ARHGEF3: variants seen among roughly 807,000 people sequenced by gnomAD.
The protein encoded by ARHGEF3 is 59.8 kDA protein.
In ARHGEF3, 28 loss-of-function variants were observed where a neutral mutation model predicts 63.2. That is an observed-to-expected ratio of 0.44 (90% CI 0.33 to 0.61). The LOEUF (loss-of-function observed/expected upper bound fraction) is 0.61. Ranked by LOEUF, ARHGEF3 falls within the 20% of genes least tolerant of loss-of-function variation. The pLI is 0.03. For synonymous variants in ARHGEF3, 266 were observed against 254.2 expected, an observed-to-expected ratio of 1.05 and a Z score of -0.44; for missense variants, 533 against 659.3, an observed-to-expected ratio of 0.81 and a Z score of 2.10.
At chr3:56,988,428 T>C (rs1438763229) in intron 2 of ARHGEF3, among the ~76,000 whole-genome samples, 5 of 152,190 alleles carry the variant, frequency 3.3e-5, no homozygotes, top group African/African-American at 1.2e-4. Context: ...ATTACAGGCA[T>C]GAGCCACCCC....
At chr3:57,006,725 T>C (rs1186076053) in intron 2 of ARHGEF3, among the ~76,000 whole-genome samples, 1 of 152,194 alleles carries the variant, frequency 6.6e-6, no homozygotes, top group African/African-American at 2.4e-5. Context: ...TCGTTCAATG[T>C]GCTGCCTGCT....
At chr3:57,006,512 G>A (rs1241446346) in intron 2 of ARHGEF3, among the ~76,000 whole-genome samples, 1 of 152,172 alleles carries the variant, frequency 6.6e-6, no homozygotes, top group African/African-American at 2.4e-5. Context: ...GCTCCCCAGA[G>A]CCCACATGCT....
intron 2 of ARHGEF3, among the ~76,000 whole-genome samples, chr3:56,760,588 C>T (rs2035361603): frequency 6.6e-6 from 1 of 152,166 alleles, no homozygotes; most frequent in South Asian, 2.1e-4. Context: ...CTCTGATTCT[C>T]ACAACCACCC....
At chr3:56,956,486 A>C (rs1700048737) in intron 3 of ARHGEF3, among the ~76,000 whole-genome samples, 1 of 152,226 alleles carries the variant, frequency 6.6e-6, no homozygotes, top group African/African-American at 2.4e-5. Context: ...TGTATCTAAC[A>C]GGTTCCTTTG....
intron 1 of ARHGEF3, chr3:57,073,551 T>A: frequency 7.4e-7 from 1 of 1,352,534 alleles, no homozygotes; most frequent in South Asian, 1.6e-5. Context: ...CCCGGGATGA[T>A]TGGTGGTGGG....
At chr3:56,899,100 G>A (rs2041418997) in intron 3 of ARHGEF3, among the ~76,000 whole-genome samples, 2 of 152,120 alleles carry the variant, frequency 1.3e-5, no homozygotes. Flanking sequence ...ATTCTCCACT[G>A]AGGGGTGAGG....
chr3:56,771,428 G>A (rs2035998187), intron 2 of ARHGEF3, among the ~76,000 whole-genome samples: 1 of 152,236 alleles, frequency 6.6e-6, no homozygotes, highest in Non-Finnish European at 1.5e-5. Context: ...CTGGGCTGTA[G>A]TGGGAGGCAC....
chr3:56,762,477 C>T lies in ARHGEF3; in HGVS notation c.205-7326G>A, dbSNP rs911185069. On this transcript the variant is annotated intron_variant, in intron 2 of 9. Transcript: ENST00000296315. ...ATGCTGCAGATGCAAAACAGACTGTCTGCCGGGGGTTGGGGGACGGGGGTG... is the reference window on the plus strand; with the variant it reads ...ATGCTGCAGATGCAAAACAGACTGTTTGCCGGGGGTTGGGGGACGGGGGTG... 2.4e-4 allele frequency among the ~76,000 whole-genome samples: 37 copies of T among 152,030 alleles called. 1 individual carries two copies. Among genetic ancestry groups the T allele is most frequent in the Non-Finnish European group, 8.8e-5 (6 of 68,012 alleles).
intron 2 of ARHGEF3, among the ~76,000 whole-genome samples, chr3:57,010,258 TC>T (rs1435158679): frequency 1.3e-5 from 2 of 151,856 alleles, no homozygotes; most frequent in Admixed American, 1.3e-4. Context: ...ATAGAGACCA[TC>T]CTGGCTAACA....
At position 56,944,389 on chromosome 3, in the gene ARHGEF3, T is replaced by C. The variant is rs553700644; in HGVS notation, c.129+14434A>G. Among the ~76,000 whole-genome samples, 21 of 152,084 alleles carry C rather than the reference T, an allele frequency of 1.4e-4. No individual in the cohort carries two copies. In the South Asian group the frequency reaches 3.5e-3, roughly 26 times the overall value. On this transcript the variant is annotated intron_variant, in intron 3 of 12. Coordinates refer to the ARHGEF3 transcript ENST00000338458. Reference sequence around the variant, plus strand: ...TGGAAGAAGCTGATTCCAACCCTCATGGATGACATTGAGGGGTTTAAGACT... The same window carrying C: ...TGGAAGAAGCTGATTCCAACCCTCACGGATGACATTGAGGGGTTTAAGACT...
chr3:57,067,618 T>C (rs954044118), intron 1 of ARHGEF3, among the ~76,000 whole-genome samples: 1 of 150,914 alleles, frequency 6.6e-6, no homozygotes, highest in Admixed American at 6.6e-5. Flanking sequence ...GAAAATCACA[T>C]GAGGCCAGGA....
intron 4 of ARHGEF3, among the ~76,000 whole-genome samples, chr3:56,866,078 T>C (rs929196283): frequency 2.0e-5 from 3 of 152,240 alleles, no homozygotes; most frequent in East Asian, 3.9e-4. Context: ...GGCAGGAGGA[T>C]TGCTTGAGCC....
At chr3:56,912,395 A>G (rs977120900) in intron 3 of ARHGEF3, among the ~76,000 whole-genome samples, 4 of 152,234 alleles carry the variant, frequency 2.6e-5, no homozygotes, top group African/African-American at 9.6e-5. Flanking sequence ...ACATAATAGG[A>G]GATCTGGGAA....
At chr3:57,000,078 G>C (rs9836188) in intron 2 of ARHGEF3, among the ~76,000 whole-genome samples, 30,635 of 152,030 alleles carry the variant, frequency 0.2, 3,291 homozygotes, top group African/African-American at 0.24. Context: ...CTGTATCCTA[G>C]GCTGATTGTG....
At chr3:56,902,054 A>G (rs1339503141) in intron 3 of ARHGEF3, among the ~76,000 whole-genome samples, 3 of 152,210 alleles carry the variant, frequency 2.0e-5, no homozygotes, top group African/African-American at 7.2e-5. Flanking sequence ...TGAAATCGCC[A>G]ACAAAAAATA....
At chr3:56,731,067 T>C (rs2033119855) in intron 9 of ARHGEF3, among the ~76,000 whole-genome samples, 1 of 152,232 alleles carries the variant, frequency 6.6e-6, no homozygotes, top group Non-Finnish European at 1.5e-5. Context: ...GCCTGGCACA[T>C]AGTCAGTACT....
At chr3:57,048,419 T>C (rs566132844) in intron 1 of ARHGEF3, among the ~76,000 whole-genome samples, 4 of 152,236 alleles carry the variant, frequency 2.6e-5, no homozygotes, top group Non-Finnish European at 5.9e-5. Context: ...CCCAACAGAT[T>C]TGCACATCAA....
chr3:56,941,485 G>A (rs2108423648), intron 3 of ARHGEF3, among the ~76,000 whole-genome samples: 1 of 152,338 alleles, frequency 6.6e-6, no homozygotes, highest in Non-Finnish European at 1.5e-5. Context: ...TGGGATTACA[G>A]GCATGAGCCA....
intron 3 of ARHGEF3, among the ~76,000 whole-genome samples, chr3:56,895,384 C>T (rs1212496478): frequency 2.0e-5 from 3 of 152,192 alleles, no homozygotes; most frequent in Admixed American, 6.5e-5. Flanking sequence ...TGGCTGCTCC[C>T]GAGGCTCCAG....
Sources: gnomAD v4.1 joint callset for allele counts (sites outside exome capture counted in the v4.1 genomes callset) on GRCh38, gnomAD v4.1.1 for gene constraint, MANE v1.5 for transcripts, NCBI Gene and HGNC (gene_info 2026-07-23, HGNC 2026-07-21) for gene names.